The following CHD4 variants were observed in gnomAD, a reference collection of about 807,000 sequenced individuals.
CHD4 encodes chromodomain helicase DNA binding protein 4, also known as ATP-dependent chromatin remodeler CHD4.
A neutral mutation model predicts 235.5 loss-of-function variants in CHD4; 35 were observed. That is an observed-to-expected ratio of 0.15 (90% CI 0.11 to 0.20). The LOEUF (loss-of-function observed/expected upper bound fraction) is 0.20. Among genes scored for constraint, CHD4 ranks in the 10% least tolerant of loss-of-function variants. The probability of loss-of-function intolerance (pLI) is 1.00; values close to 1 mark genes in which losing one functional copy is unlikely to be tolerated. For synonymous variants in CHD4, 900 were observed against 850.2 expected, an observed-to-expected ratio of 1.06 and a Z score of -1.02; for missense variants, 1,329 against 2,432.3, an observed-to-expected ratio of 0.55 and a Z score of 9.54.
At chr12:6,579,423 A>G in intron 33 of CHD4, 1 of 175,724 alleles carries the variant, frequency 5.7e-6, no homozygotes, top group South Asian at 1.2e-4. Context: ...CATCTCTACT[A>G]AAATACAAAA....
At chr12:6,589,223 A>G (rs1948350886) in intron 22 of CHD4, among the ~76,000 whole-genome samples, 2 of 152,128 alleles carry the variant, frequency 1.3e-5, no homozygotes, top group African/African-American at 4.8e-5. Flanking sequence ...TCATTAGGCA[A>G]ACACCACAGT....
chr12:6,606,452 CTG>C lies in CHD4; in HGVS notation c.-78-3_-78-2del, dbSNP rs1005990297. 2.7e-5 allele frequency: 21 copies of C among 779,686 alleles called. No homozygotes were observed. Among genetic ancestry groups the C allele is most frequent in the Non-Finnish European group, 4.3e-5 (21 of 485,500 alleles). The allele number at this position is 779,686 out of a possible 1,614,324, so 48.3% of individuals were successfully genotyped here. On this transcript the variant is annotated splice_acceptor_variant and splice_polypyrimidine_tract_variant and intron_variant, in intron 1 of 39. Transcript: ENST00000544040. LOFTEE classifies it low-confidence loss of function (5UTR_SPLICE). ...AGGACCTCTACACTGGCCCGAGTCA[CTG>C]TGCGGGGGAGGGGGGAGAAACACAG...
Position 6,597,884 on chromosome 12 carries a change from C to A in CHD4, c.1892+10G>T. On this transcript the variant is annotated intron_variant, in intron 12 of 39. Coordinates refer to ENST00000544040, the MANE Select transcript of CHD4 (RefSeq NM_001273.5). ...GGAGACTGCCCGTCTCCCGTGTGCT[C>A]AGCTGGTACCTGTGGTTGAGGATTC... 6.2e-7 allele frequency: 1 copy of A among 1,613,864 alleles called. No homozygotes were observed. Among genetic ancestry groups the A allele is most frequent in the Non-Finnish European group, 8.5e-7 (1 of 1,179,750 alleles).
Position 6,601,274 on chromosome 12 carries a change from T to G in CHD4, c.799+15A>C, listed in dbSNP as rs1389099899. On this transcript the variant is annotated intron_variant, in intron 6 of 39. Transcript: ENST00000544040. ...CACACTAGACACCCCCACTCCCATT[T>G]GAACCCCATTTCACCTTTGCCCTCC... The G allele has an allele frequency of 6.2e-7, 1 of 1,611,132 alleles. No individual in the cohort carries two copies.
intron 31 of CHD4, 102 bp from the exon 32 acceptor site, chr12:6,581,490 T>A: frequency 6.6e-7 from 1 of 1,518,420 alleles, no homozygotes; most frequent in Non-Finnish European, 9.1e-7. Flanking sequence ...CTCTCGTGCC[T>A]TTAAGAGCCA....
At chr12:6,587,358 C>T in intron 25 of CHD4, 26 bp downstream of exon 25, 2 of 1,604,516 alleles carry the variant, frequency 1.2e-6, no homozygotes, top group Non-Finnish European at 1.7e-6. Flanking sequence ...TTACCAAGCA[C>T]AGGATTGCCT....
chr12:6,576,646 G>A (rs567790049), intron 37 of CHD4, among the ~76,000 whole-genome samples: 1 of 151,978 alleles, frequency 6.6e-6, no homozygotes, highest in Non-Finnish European at 1.5e-5. Flanking sequence ...TCGCTCTGTC[G>A]CCAGACTGGA....
rs747303727 is a variant in CHD4 at position 6,592,518 on chromosome 12, G to A, written c.2823C>T (p.Asp941=). ...GCATGTCATGCAGTTTTTTTATCTG[G>A]TCCTCCTTGGCAATGTCAGCAAACT... ...LEEFADIAKE[D]QIKKLHDMLG... Residue 941 remains aspartate, a synonymous_variant, in exon 19 of 40, where the codon GAC becomes GAT. Transcript: ENST00000544040. 23 of 1,609,672 alleles carry A rather than the reference G, an allele frequency of 1.4e-5. No individual in the cohort carries two copies. Among genetic ancestry groups the A allele is most frequent in the Non-Finnish European group, 2.0e-5 (23 of 1,176,546 alleles).
intron 25 of CHD4, 88 bp from the exon 26 acceptor site, chr12:6,583,466 T>G: frequency 8.7e-6 from 10 of 1,153,464 alleles, no homozygotes; most frequent in African/African-American, 1.5e-5. Flanking sequence ...CTCTGCTAGC[T>G]CCTTTTCATG....
intron 2 of CHD4, 139 bp from the exon 3 acceptor site, chr12:6,602,636 G>T: frequency 1.7e-6 from 2 of 1,159,174 alleles, no homozygotes; most frequent in East Asian, 2.4e-5. Flanking sequence ...CTCTGTACAG[G>T]AGGAAGCTGA....
chr12:6,594,631 C>A lies in CHD4; in HGVS notation c.2141G>T (p.Arg714Leu). 1.2e-6 allele frequency: 2 copies of A among 1,613,242 alleles called. No homozygotes were observed. Among genetic ancestry groups the A allele is most frequent in the South Asian group, 1.1e-5 (1 of 90,956 alleles). The change falls in exon 15 of 40, where the codon CGA becomes CTA. Residue 714 changes from arginine to leucine, a missense_variant. Coordinates refer to ENST00000544040, the MANE Select transcript of CHD4 (RefSeq NM_001273.5). The part of the protein sequence containing the change: ...PTVDPTVKYE[R>L]QPEYLDATGG... ...TGTAGCATCCAGGTACTCTGGCTGT[C>A]GCTCATACTTCACTGTTGGCTGAAG...
chr12:6,582,652 C>T lies in CHD4; in HGVS notation c.4333G>A (p.Val1445Ile), dbSNP rs767196536. The T allele has an allele frequency of 1.2e-6, 2 of 1,613,832 alleles. No homozygotes were observed. Among genetic ancestry groups the T allele is most frequent in the Non-Finnish European group, 1.7e-6 (2 of 1,179,932 alleles). ...PQDAFTTQWL[V>I]RDLRGKSEKE... ...TCTGATTTGCCTCGCAGGTCTCTTA[C>T]AAGCCACTGGGTAGTAAAAGCATCC... Residue 1445 changes from valine (V) to isoleucine (I), a missense_variant, in exon 29 of 40, where the codon GTA becomes ATA. By Grantham distance (29) the Val-to-Ile change is conservative. Coordinates refer to ENST00000544040, the MANE Select transcript of CHD4 (RefSeq NM_001273.5).
chr12:6,585,198 A>G (rs1948261058), intron 25 of CHD4, among the ~76,000 whole-genome samples: 1 of 152,200 alleles, frequency 6.6e-6, no homozygotes, highest in Non-Finnish European at 1.5e-5. Context: ...AAAAACATTA[A>G]AACAAGCCAC....
At chr12:6,581,916 C>A (rs1948200033) in intron 30 of CHD4, 102 bp from the exon 31 acceptor site, 2 of 1,381,312 alleles carry the variant, frequency 1.4e-6, no homozygotes, top group African/African-American at 2.9e-5. Context: ...AATTCTCCTG[C>A]CTCAGCCTTC....
chr12:6,573,705 TCTACTCTTTATCAA>T (rs1948019166), intron 37 of CHD4, among the ~76,000 whole-genome samples: 1 of 152,174 alleles, frequency 6.6e-6, no homozygotes, highest in African/African-American at 2.4e-5. Context: ...CTTTTTATCA[TCTACTCTTTATCAA>T]CTACTCTTCA....
rs1393640034 is a variant in CHD4 at position 6,606,561 on chromosome 12, AC to A, written c.-78-111del. 1.4e-5 allele frequency: 7 copies of A among 494,912 alleles called. No individual in the cohort carries two copies. The Admixed American group carries it at 1.7e-4, about 12-fold the overall frequency. 30.7% of individuals were successfully genotyped at this position (494,912 alleles called of 1,614,324 possible). On this transcript the variant is annotated intron_variant, in intron 1 of 39. Coordinates refer to ENST00000544040, the MANE Select transcript of CHD4 (RefSeq NM_001273.5). ...CCCACCCCAGCCACCCTAGCAGGGCACCCGAACCGCTCAGGCTGAACTTAGT... is the reference window on the plus strand; with the variant it reads ...CCCACCCCAGCCACCCTAGCAGGGCACCGAACCGCTCAGGCTGAACTTAGT...
At chr12:6,601,149 C>T (rs1020476042) in intron 6 of CHD4, 96 bp from the exon 7 acceptor site, 59 of 1,523,708 alleles carry the variant, frequency 3.9e-5, no homozygotes, top group Non-Finnish European at 5.1e-5. Context: ...ATTCAGATTC[C>T]CAAATTTCCC....
chr12:6,591,456 T>C lies in CHD4; in HGVS notation c.3340+10A>G, dbSNP rs779901873. 1.7e-5 allele frequency: 28 copies of C among 1,606,958 alleles called. No individual in the cohort carries two copies. Among genetic ancestry groups the C allele is most frequent in the African/African-American group, 5.4e-5 (4 of 74,692 alleles). On this transcript the variant is annotated intron_variant, in intron 22 of 39. Transcript: ENST00000544040. ...GGATTCCTGAAACTAAACAACTCCT[T>C]CTCTCTCACCATTGAAGCGGTCAAT... is the stretch of plus-strand genomic sequence containing the variant.
chr12:6,599,255 G>C (rs899232677), intron 10 of CHD4, among the ~76,000 whole-genome samples: 1 of 152,116 alleles, frequency 6.6e-6, no homozygotes, highest in Non-Finnish European at 1.5e-5. Flanking sequence ...AACATAGTGA[G>C]ACCCTGTCTC....
Sources: gnomAD v4.1 joint callset for allele counts (sites outside exome capture counted in the v4.1 genomes callset) on GRCh38, gnomAD v4.1.1 for gene constraint, MANE v1.5 for transcripts, NCBI Gene and HGNC (gene_info 2026-07-23, HGNC 2026-07-21) for gene names.